The following SLC15A4 variants were observed in gnomAD, a reference collection of about 807,000 sequenced individuals.
The protein encoded by SLC15A4 is solute carrier family 15 member 4.
In SLC15A4, 26 loss-of-function variants were observed where a neutral mutation model predicts 46.1. The observed-to-expected ratio is 0.56, with a 90% CI of 0.41 to 0.78. The LOEUF (loss-of-function observed/expected upper bound fraction) is 0.78. Ranked by LOEUF, SLC15A4 falls within the 30% of genes least tolerant of loss-of-function variation. The pLI, the probability that SLC15A4 is intolerant of heterozygous loss-of-function variation, is 0.00. For synonymous variants in SLC15A4, 370 were observed against 333.4 expected (o/e 1.11, Z -1.20); for missense variants, 751 against 755.7 (o/e 0.99, Z 0.07).
intron 1 of SLC15A4, among the ~76,000 whole-genome samples, chr12:128,819,185 C>T (rs2135723837): frequency 6.6e-6 from 1 of 152,228 alleles, no homozygotes; most frequent in East Asian, 1.9e-4. Context: ...AGGTGGATCA[C>T]CTGAGGTCAG....
intron 7 of SLC15A4, among the ~76,000 whole-genome samples, chr12:128,796,466 A>C (rs943739109): frequency 2.8e-5 from 4 of 144,202 alleles, no homozygotes; most frequent in South Asian, 2.2e-4. Flanking sequence ...AAACCCACAC[A>C]TCTGTATGGT....
In SLC15A4 at chr12:128,823,470, G is replaced by A; in HGVS notation, c.474C>T (p.Phe158=). ...AAARCCSPAT[F]AGLVLVGLGV... Reference sequence around the variant, plus strand: ...CCAGGCCCACCAGCACCAGCCCCGCGAAGGTGGCCGGTGAGCAGCAGCGGG... The same window carrying A: ...CCAGGCCCACCAGCACCAGCCCCGCAAAGGTGGCCGGTGAGCAGCAGCGGG... The change falls in exon 1 of 8, where the codon TTC becomes TTT. Residue 158 remains phenylalanine, a synonymous_variant. Coordinates refer to ENST00000266771, the MANE Select transcript of SLC15A4 (RefSeq NM_145648.4). The A allele has an allele frequency of 6.7e-7, 1 of 1,482,962 alleles. No homozygotes were observed. Among genetic ancestry groups the A allele is most frequent in the Non-Finnish European group, 8.9e-7 (1 of 1,123,830 alleles). 91.9% of individuals were successfully genotyped at this position (1,482,962 alleles called of 1,614,324 possible).
intron 3 of SLC15A4, 52 bp from the exon 4 acceptor site, chr12:128,809,525 ACT>A (rs1486760878): frequency 2.6e-6 from 3 of 1,171,256 alleles, no homozygotes; most frequent in African/African-American, 1.5e-5. Context: ...GCTCTCAAAC[ACT>A]CTAAGCATCC....
chr12:128,796,054 G>T (rs1332123712), intron 7 of SLC15A4, among the ~76,000 whole-genome samples: 1 of 152,154 alleles, frequency 6.6e-6, no homozygotes. Flanking sequence ...TTAAAGCTGG[G>T]TTATTCTGGC....
At chr12:128,807,700 C>T (rs1237594338) in intron 5 of SLC15A4, among the ~76,000 whole-genome samples, 1 of 152,254 alleles carries the variant, frequency 6.6e-6, no homozygotes, top group Non-Finnish European at 1.5e-5. Flanking sequence ...TCTGCCCATG[C>T]TTATTTCCCC....
intron 7 of SLC15A4, among the ~76,000 whole-genome samples, chr12:128,796,442 A>C (rs1461045943): frequency 2.8e-5 from 4 of 142,718 alleles, no homozygotes; most frequent in Non-Finnish European, 4.6e-5. Flanking sequence ...AAAAAAAAAA[A>C]AAAAAAAAAA....
chr12:128,807,157 T>C (rs1955599408), intron 5 of SLC15A4, among the ~76,000 whole-genome samples: 1 of 152,116 alleles, frequency 6.6e-6, no homozygotes, highest in Non-Finnish European at 1.5e-5. Flanking sequence ...TGCCTTGGCC[T>C]CCCAAAGTAC....
At chr12:128,814,622 T>C (rs1281288017) in intron 2 of SLC15A4, 153 bp downstream of exon 2, 1 of 768,484 alleles carries the variant, frequency 1.3e-6, no homozygotes, top group African/African-American at 1.7e-5. Flanking sequence ...ACCCGCCTCC[T>C]TGGGGAAATG....
At chr12:128,821,298 G>A (rs1955833130) in intron 1 of SLC15A4, among the ~76,000 whole-genome samples, 1 of 152,170 alleles carries the variant, frequency 6.6e-6, no homozygotes, top group Admixed American at 6.5e-5. Context: ...CTAGTTAGGA[G>A]AGACTCCCAC....
At position 128,814,190 on chromosome 12, in the gene SLC15A4, C is replaced by CGCCGTATGATGGACCTGAG. The variant is rs1566055080; in HGVS notation, c.842+584_842+585insCTCAGGTCCATCATACGGC. The CGCCGTATGATGGACCTGAG allele has an allele frequency of 2.2e-4, 17 of 78,482 alleles. No individual in the cohort carries two copies. In the East Asian group the frequency reaches 5.1e-3, roughly 24 times the overall value. The allele number at this position is 78,482 out of a possible 1,614,324, so 4.9% of individuals were successfully genotyped here. A position where few individuals can be genotyped will look rare whatever the true frequency, so the allele number is the denominator to read the frequency against. On this transcript the variant is annotated intron_variant, in intron 2 of 7. Transcript: ENST00000266771. ...TTCCTGTCAAGAGTTACAGACCTGA[C>CGCCGTATGATGGACCTGAG]CGCCGTATGATGGACCTGACCGCCG... is the stretch of plus-strand genomic sequence containing the variant.
chr12:128,815,117 C>G, intron 1 of SLC15A4, 47 bp from the exon 2 acceptor site: 1 of 1,562,630 alleles, frequency 6.4e-7, no homozygotes, highest in South Asian at 1.1e-5. Flanking sequence ...TGACAGTCTT[C>G]AAGGATGAAA....
At chr12:128,796,667 G>C (rs914228296) in intron 7 of SLC15A4, among the ~76,000 whole-genome samples, 2 of 152,196 alleles carry the variant, frequency 1.3e-5, no homozygotes, top group Non-Finnish European at 2.9e-5. Context: ...TGGGCACTCA[G>C]TGGAAATGCA....
At chr12:128,811,769 A>C (rs1397592682) in intron 2 of SLC15A4, among the ~76,000 whole-genome samples, 2 of 152,244 alleles carry the variant, frequency 1.3e-5, no homozygotes, top group Non-Finnish European at 2.9e-5. Flanking sequence ...ACCCATTTTC[A>C]CACAAAGAAT....
At chr12:128,803,372 G>T (rs1033632171) in intron 5 of SLC15A4, among the ~76,000 whole-genome samples, 1 of 152,170 alleles carries the variant, frequency 6.6e-6, no homozygotes, top group East Asian at 1.9e-4. Context: ...TGTATGAATT[G>T]TTCCTTGTGT....
At chr12:128,811,918 C>T (rs1955661935) in intron 2 of SLC15A4, among the ~76,000 whole-genome samples, 1 of 152,156 alleles carries the variant, frequency 6.6e-6, no homozygotes. Context: ...TACAAGGGTC[C>T]AACACGAAGC....
chr12:128,793,934 TCA>T lies in SLC15A4; in HGVS notation c.*260_*261del, dbSNP rs372516657. The T allele has an allele frequency of 4.7e-3, 1,587 of 334,248 alleles. 4 individuals carry two copies. The highest frequency in any genetic ancestry group is 6.7e-3 in the Non-Finnish European group (1,243 of 184,632). The allele number at this position is 334,248 out of a possible 1,614,324, so 20.7% of individuals were successfully genotyped here. ...AAAAAAGGGAACCCAGCTAGAGGAT[TCA>T]CAGAGACCTTGAATGACAAGCGACA... On this transcript the variant is annotated 3_prime_UTR_variant, in exon 8 of 8. Coordinates refer to ENST00000266771, the MANE Select transcript of SLC15A4 (RefSeq NM_145648.4).
At position 128,821,597 on chromosome 12, in the gene SLC15A4, G is replaced by GT. The variant is rs1467120745; in HGVS notation, c.546+1800dup. ...ATCCCGTTTCCGACCACTTAAAAAT[G>GT]TAAGAACTAGCTGGGCGCCGTGGCT... On this transcript the variant is annotated intron_variant, in intron 1 of 7. Coordinates refer to ENST00000266771, the MANE Select transcript of SLC15A4 (RefSeq NM_145648.4). Among the ~76,000 whole-genome samples the GT allele has an allele frequency of 5.3e-5, 8 of 152,270 alleles. No individual in the cohort carries two copies. The East Asian group carries it at 1.4e-3, about 26-fold the overall frequency.
chr12:128,802,372 T>C (rs956338814), intron 5 of SLC15A4, among the ~76,000 whole-genome samples: 8 of 152,232 alleles, frequency 5.3e-5, no homozygotes, highest in Admixed American at 2.0e-4. Context: ...TGTGTGACAA[T>C]GGCTTCCCCT....
rs752659762 is a variant in SLC15A4 at position 128,808,943 on chromosome 12, C to T, written c.1103G>A (p.Trp368Ter). 6.2e-7 allele frequency: 1 copy of T among 1,613,630 alleles called. No individual in the cohort carries two copies. The highest frequency in any genetic ancestry group is 8.5e-7 in the Non-Finnish European group (1 of 1,179,698). The change falls in exon 5 of 8, where the codon TGG becomes TAG. Residue 368 changes from tryptophan (W) to a stop codon, truncating the protein, a stop_gained. Transcript: ENST00000266771. LOFTEE classifies it high-confidence loss of function. ...GAGCACAGCATCAAACATGGTCAGC[C>T]AGGCTGCAGGGAGCTGGGGTGAAAC... ...TTTPHTLPAA[W>*]LTMFDAVLIL...
Sources: allele counts gnomAD v4.1 joint callset (sites outside exome capture counted in the v4.1 genomes callset), GRCh38; gene constraint gnomAD v4.1.1; transcripts MANE v1.5; gene names NCBI Gene and HGNC (gene_info 2026-07-23, HGNC 2026-07-21).